Variants in CACNA1C observed in about 807,000 individuals in gnomAD.
The protein encoded by CACNA1C is voltage-dependent L-type calcium channel subunit alpha-1C.
Under a neutral mutation model 229.0 loss-of-function variants are expected in CACNA1C, and 30 were observed. The ratio of observed to expected loss-of-function variants is 0.13; its 90% CI spans 0.10 to 0.18. CACNA1C has a LOEUF of 0.18. Among genes scored for constraint, CACNA1C ranks in the 10% least tolerant of loss-of-function variants. The pLI is 1.00. For synonymous variants in CACNA1C, 1,114 were observed against 1,132.5 expected, an observed-to-expected ratio of 0.98 and a Z score of 0.33; for missense variants, 1,658 against 2,845.0, an observed-to-expected ratio of 0.58 and a Z score of 9.49.
chr12:2,289,673 G>A (rs185011788), intron 3 of CACNA1C, among the ~76,000 whole-genome samples: 2 of 152,082 alleles, frequency 1.3e-5, no homozygotes, highest in East Asian at 3.9e-4. Flanking sequence ...TGGAGAACAT[G>A]GATTAAACCA....
chr12:2,282,419 G>T (rs1346045720), intron 3 of CACNA1C, among the ~76,000 whole-genome samples: 1 of 152,216 alleles, frequency 6.6e-6, no homozygotes, highest in Non-Finnish European at 1.5e-5. Flanking sequence ...CAATAGGGAA[G>T]ACTTAGGGAG....
chr12:2,262,689 G>A (rs569819504), intron 3 of CACNA1C, among the ~76,000 whole-genome samples: 5 of 152,200 alleles, frequency 3.3e-5, no homozygotes, highest in Non-Finnish European at 7.3e-5. Context: ...CTGGGGTGGG[G>A]TGGAGGCTGT....
At chr12:2,052,238 TG>T (rs892156289), upstream of CACNA1C, among the ~76,000 whole-genome samples, 1 of 152,184 alleles carries the variant, frequency 6.6e-6, no homozygotes, top group Non-Finnish European at 1.5e-5. Context: ...TTATTAAACC[TG>T]GGTCTAGGAA....
At chr12:2,093,251 A>G (rs2072149271) in intron 1 of CACNA1C, among the ~76,000 whole-genome samples, 2 of 152,180 alleles carry the variant, frequency 1.3e-5, no homozygotes, top group Admixed American at 1.3e-4. Flanking sequence ...CAGGGAGGCT[A>G]GTGGCTTCTT....
In CACNA1C at chr12:2,087,018, C is replaced by T. The variant is rs539998427; in HGVS notation, c.50-28206C>T. Among the ~76,000 whole-genome samples the T allele has an allele frequency of 3.3e-5, 5 of 152,294 alleles. No individual in the cohort carries two copies. In the East Asian group the frequency reaches 7.7e-4, roughly 24 times the overall value. ...GCTGCCTTCCAGAGCTCTTCTTAGT[C>T]AGGGCATTTTCTGTGCTCCAAGCCC... On this transcript the variant is annotated intron_variant, in intron 1 of 46. Coordinates refer to ENST00000399655, the MANE Select transcript of CACNA1C (RefSeq NM_000719.7).
intron 5 of CACNA1C, among the ~76,000 whole-genome samples, chr12:2,461,544 C>T (rs2099502292): frequency 6.6e-6 from 1 of 152,138 alleles, no homozygotes; most frequent in African/African-American, 2.4e-5. Context: ...CCAGCCCAGA[C>T]CTTTTTTCCA....
At chr12:2,231,635 T>C (rs138518423) in intron 3 of CACNA1C, among the ~76,000 whole-genome samples, 2 of 152,288 alleles carry the variant, frequency 1.3e-5, no homozygotes, top group Non-Finnish European at 2.9e-5. Context: ...AACCATCATC[T>C]CCTGGTCTTC....
intron 3 of CACNA1C, among the ~76,000 whole-genome samples, chr12:2,340,531 G>C (rs1408332456): frequency 3.3e-5 from 5 of 152,184 alleles, no homozygotes; most frequent in Admixed American, 6.5e-5. Flanking sequence ...AACAAAACAT[G>C]GCTGAACCCA....
At chr12:2,375,435 T>C (rs1000114257) in intron 3 of CACNA1C, among the ~76,000 whole-genome samples, 6 of 152,230 alleles carry the variant, frequency 3.9e-5, no homozygotes, top group African/African-American at 1.4e-4. Flanking sequence ...CTTCGGCTCC[T>C]GTGGCACTGG....
At position 2,632,590 on chromosome 12, in the gene CACNA1C, G is replaced by T. The variant is rs1189599178; in HGVS notation, c.3829-1707G>T. Among the ~76,000 whole-genome samples, 5 of 152,150 alleles carry T rather than the reference G, an allele frequency of 3.3e-5. No homozygotes were observed. The East Asian group carries it at 9.6e-4, about 29-fold the overall frequency. The stretch of plus-strand genomic sequence containing the variant: ...TGGTGAAAAATAAACAAAATCCATA[G>T]CTACAGAATCAAGTGGTAAAGTCAG... On this transcript the variant is annotated intron_variant, in intron 29 of 46. Transcript: ENST00000399655. This position sits in a 1 kb window ranked among gnomAD's most constrained non-coding sequence, Gnocchi z 4.1.
intron 1 of CACNA1C, among the ~76,000 whole-genome samples, chr12:2,081,257 C>T (rs2065460441): frequency 1.3e-5 from 2 of 152,174 alleles, no homozygotes; most frequent in Admixed American, 1.3e-4. Context: ...GCTAAATTAT[C>T]ATTCAAGAGT....
intron 6 of CACNA1C, among the ~76,000 whole-genome samples, chr12:2,492,829 T>G (rs750439116): frequency 3.3e-5 from 5 of 152,254 alleles, no homozygotes; most frequent in Non-Finnish European, 7.3e-5. Context: ...TGGGTCAGTT[T>G]CCACTTGCAG....
chr12:2,607,549 T>C (rs961988089), intron 26 of CACNA1C: 11 of 158,378 alleles, frequency 6.9e-5, no homozygotes, highest in Non-Finnish European at 1.2e-4. Flanking sequence ...GATGTCTTTG[T>C]TTTATTTGAC....
At chr12:2,625,105 C>T (rs906383034) in intron 29 of CACNA1C, among the ~76,000 whole-genome samples, 1 of 152,176 alleles carries the variant, frequency 6.6e-6, no homozygotes, top group Non-Finnish European at 1.5e-5. Context: ...CCCCCCGCCC[C>T]CCATGGCTCT....
At chr12:2,123,175 G>A (rs1471556356) in intron 3 of CACNA1C, among the ~76,000 whole-genome samples, 1 of 152,088 alleles carries the variant, frequency 6.6e-6, no homozygotes, top group African/African-American at 2.4e-5. Context: ...AGGAGATCGA[G>A]ACCAGCCTGG....
rs987783369 is a variant in CACNA1C at position 2,108,192 on chromosome 12, C to T, written c.50-7032C>T. Among the ~76,000 whole-genome samples the T allele has an allele frequency of 2.0e-5, 3 of 152,266 alleles. No individual in the cohort carries two copies. The highest frequency in any genetic ancestry group is 4.1e-4 in the South Asian group (2 of 4,822). On this transcript the variant is annotated intron_variant, in intron 1 of 46. Coordinates refer to ENST00000399655, the MANE Select transcript of CACNA1C (RefSeq NM_000719.7). This position sits in a 1 kb window ranked among gnomAD's most constrained non-coding sequence, Gnocchi z 5.3. ...GGCCTATAACAGAAACTTCTGTAGCCGTGTTTAGAGGAAAGATAGTACAGG... is the reference window on the plus strand; with the variant it reads ...GGCCTATAACAGAAACTTCTGTAGCTGTGTTTAGAGGAAAGATAGTACAGG...
chr12:2,170,875 G>A (rs2096449328), intron 3 of CACNA1C, among the ~76,000 whole-genome samples: 1 of 152,238 alleles, frequency 6.6e-6, no homozygotes, highest in Admixed American at 6.5e-5. Flanking sequence ...CCCTGAGGCA[G>A]GGGTTGGTGG....
At chr12:2,603,651 A>C (rs1219357338) in intron 22 of CACNA1C, 3 of 152,174 alleles carry the variant, frequency 2.0e-5, no homozygotes, top group African/African-American at 7.2e-5. Context: ...TGCACTAGGG[A>C]AAAGCCGTAG....
chr12:2,203,510 G>A (rs16929165), intron 3 of CACNA1C, among the ~76,000 whole-genome samples: 3,159 of 152,264 alleles, frequency 0.021, 124 homozygotes, highest in African/African-American at 0.071. Flanking sequence ...GCCATCTCCC[G>A]TGGAGCAGAC....
Sources: gnomAD v4.1 joint callset for allele counts (sites outside exome capture counted in the v4.1 genomes callset) on GRCh38, gnomAD v4.1.1 for gene constraint, Gnocchi (gnomAD v3.1) non-coding constraint, MANE v1.5 for transcripts, NCBI Gene and HGNC (gene_info 2026-07-23, HGNC 2026-07-21) for gene names.